Variants in PXDNL observed in about 807,000 individuals in gnomAD.
PXDNL encodes probable oxidoreductase PXDNL.
Under a neutral mutation model 150.8 loss-of-function variants are expected in PXDNL, and 145 were observed. The observed-to-expected ratio is 0.96, with a 90% CI of 0.84 to 1.10. PXDNL has a LOEUF of 1.10. Among genes scored for constraint, PXDNL ranks in the 50% least tolerant of loss-of-function variants. The probability of loss-of-function intolerance (pLI) is 0.00; values close to 1 mark genes in which losing one functional copy is unlikely to be tolerated. For synonymous variants in PXDNL, 757 were observed against 725.7 expected (o/e 1.04, Z -0.69); for missense variants, 2,087 against 1,873.9 (o/e 1.11, Z -2.10).
At chr8:51,631,848 C>A (rs1003921159) in intron 2 of PXDNL, among the ~76,000 whole-genome samples, 1 of 151,934 alleles carries the variant, frequency 6.6e-6, no homozygotes, top group African/African-American at 2.4e-5. Context: ...TACCTCGTGT[C>A]TCATTTCTCA....
At chr8:51,700,165 G>GCACA (rs1375935904) in intron 1 of PXDNL, among the ~76,000 whole-genome samples, 1 of 40,028 alleles carries the variant, frequency 2.5e-5, no homozygotes, top group African/African-American at 9.4e-5. Context: ...AGGTATGCCT[G>GCACA]CATACACACA....
intron 2 of PXDNL, among the ~76,000 whole-genome samples, chr8:51,629,362 C>A (rs1194923443): frequency 6.6e-6 from 1 of 151,996 alleles, no homozygotes; most frequent in Non-Finnish European, 1.5e-5. Flanking sequence ...CTGAAATTAT[C>A]CAGCCTGAGG....
chr8:51,352,027 T>G (rs977695058), intron 19 of PXDNL, among the ~76,000 whole-genome samples: 9 of 151,990 alleles, frequency 5.9e-5, no homozygotes, highest in Admixed American at 3.9e-4. Flanking sequence ...GGTTCTGCTC[T>G]CACTGAAGAA....
chr8:51,538,351 T>C (rs910998324), intron 4 of PXDNL, among the ~76,000 whole-genome samples: 2 of 152,220 alleles, frequency 1.3e-5, no homozygotes, highest in Admixed American at 6.5e-5. Context: ...TCCAACAAAC[T>C]GATCCATAGA....
Position 51,408,212 on chromosome 8 carries a change from C to T in PXDNL, c.3412G>A (p.Ala1138Thr), listed in dbSNP as rs1320433988. 6.2e-7 allele frequency: 1 copy of T among 1,614,024 alleles called. No individual in the cohort carries two copies. The highest frequency in any genetic ancestry group is 1.1e-5 in the South Asian group (1 of 91,084). The change falls in exon 17 of 23, where the codon GCT (alanine) becomes ACT (threonine). Residue 1138 changes from alanine to threonine, a missense_variant. By Grantham distance (58) the Ala-to-Thr change is moderately conservative (BLOSUM62 0). Coordinates refer to ENST00000356297, the MANE Select transcript of PXDNL (RefSeq NM_144651.5). ...SAAYSAAVDSAATIIQRGRDH... is the reference protein window; with the variant it reads ...SAAYSAAVDSTATIIQRGRDH... ...CTACCCCTTTGAATGATGGTGGCAG[C>T]CGAATCCACGGCCGCAGAATAAGCC...
intron 21 of PXDNL, among the ~76,000 whole-genome samples, chr8:51,335,165 C>T (rs553148820): frequency 3.9e-5 from 6 of 152,090 alleles, no homozygotes; most frequent in African/African-American, 1.2e-4. Context: ...TTATAGTGGC[C>T]GACATAGTGA....
intron 12 of PXDNL, among the ~76,000 whole-genome samples, chr8:51,437,052 T>C (rs967729394): frequency 6.6e-5 from 10 of 152,158 alleles, no homozygotes; most frequent in African/African-American, 2.2e-4. Context: ...AAAAGATCAT[T>C]CAAGGCTACT....
chr8:51,520,924 A>T (rs1027575912), intron 4 of PXDNL, among the ~76,000 whole-genome samples: 17 of 152,312 alleles, frequency 1.1e-4, no homozygotes, highest in African/African-American at 4.1e-4. Flanking sequence ...CAGGGAATTT[A>T]AAAAAACTAT....
chr8:51,520,001 A>T (rs1267657945), intron 4 of PXDNL, among the ~76,000 whole-genome samples: 2 of 152,132 alleles, frequency 1.3e-5, no homozygotes, highest in Admixed American at 1.3e-4. Flanking sequence ...GGGAACAACA[A>T]GGTGGGAATT....
chr8:51,330,434 G>T (rs1265583474), intron 21 of PXDNL, among the ~76,000 whole-genome samples: 1 of 152,094 alleles, frequency 6.6e-6, no homozygotes, highest in African/African-American at 2.4e-5. Flanking sequence ...AATTCCATAT[G>T]AATTTTCGAC....
At chr8:51,320,982 T>C (rs1805298353) in intron 21 of PXDNL, 85 bp from the exon 22 acceptor site, 4 of 1,004,912 alleles carry the variant, frequency 4.0e-6, no homozygotes, top group Non-Finnish European at 6.2e-6. Context: ...GATGAAATGC[T>C]CTATTCTGTA....
intron 2 of PXDNL, among the ~76,000 whole-genome samples, chr8:51,634,709 T>C (rs1814568572): frequency 6.6e-6 from 1 of 152,130 alleles, no homozygotes; most frequent in African/African-American, 2.4e-5. Context: ...TGGTTAGATG[T>C]ATTCCTACAT....
At chr8:51,675,884 C>T (rs1053911378) in intron 1 of PXDNL, among the ~76,000 whole-genome samples, 4 of 151,718 alleles carry the variant, frequency 2.6e-5, no homozygotes, top group African/African-American at 4.8e-5. Flanking sequence ...CCTGCTGCAA[C>T]GGAGCTCCAC....
chr8:51,683,166 TATATATATA>T (rs1815793010), intron 1 of PXDNL, among the ~76,000 whole-genome samples: 1 of 65,166 alleles, frequency 1.5e-5, no homozygotes, highest in Admixed American at 1.4e-4. Context: ...TTGTCTTTCA[TATATATATA>T]TATATATATA....
intron 2 of PXDNL, among the ~76,000 whole-genome samples, chr8:51,623,305 C>T (rs903858658): frequency 3.3e-5 from 5 of 152,180 alleles, no homozygotes; most frequent in Admixed American, 1.3e-4. Flanking sequence ...CCTTGTTTCA[C>T]CCAACCTTGC....
intron 20 of PXDNL, among the ~76,000 whole-genome samples, chr8:51,342,412 A>T (rs916246430): frequency 1.3e-5 from 2 of 152,270 alleles, no homozygotes; most frequent in Non-Finnish European, 2.9e-5. Flanking sequence ...TTAGAAAAAA[A>T]TTGTTTAAGC....
chr8:51,563,603 A>G (rs913143875), intron 3 of PXDNL, among the ~76,000 whole-genome samples: 4 of 151,986 alleles, frequency 2.6e-5, no homozygotes, highest in Non-Finnish European at 5.9e-5. Flanking sequence ...TTTACCCCAA[A>G]TGGTAAATTT....
intron 1 of PXDNL, among the ~76,000 whole-genome samples, chr8:51,690,564 T>G (rs1006559220): frequency 6.6e-6 from 1 of 152,178 alleles, no homozygotes; most frequent in Non-Finnish European, 1.5e-5. Context: ...TAATCCAGTC[T>G]ATCATTGTTG....
At chr8:51,494,783 G>A (rs1196241283) in intron 5 of PXDNL, among the ~76,000 whole-genome samples, 2 of 151,864 alleles carry the variant, frequency 1.3e-5, no homozygotes, top group African/African-American at 4.8e-5. Flanking sequence ...CATAAAGCAA[G>A]TACTTAGAGA....
Sources: gnomAD v4.1 joint callset for allele counts (sites outside exome capture counted in the v4.1 genomes callset) on GRCh38, gnomAD v4.1.1 for gene constraint, MANE v1.5 for transcripts, NCBI Gene and HGNC (gene_info 2026-07-23, HGNC 2026-07-21) for gene names.